ROBO2: variants seen among roughly 807,000 people sequenced by gnomAD.
The protein encoded by ROBO2 is roundabout homolog 2.
A neutral mutation model predicts 160.8 loss-of-function variants in ROBO2; 53 were observed. The observed-to-expected ratio is 0.33, with a 90% CI of 0.26 to 0.41. The LOEUF (loss-of-function observed/expected upper bound fraction) is 0.41. Ranked by LOEUF, ROBO2 falls within the 10% of genes least tolerant of loss-of-function variation. ROBO2 has a pLI of 1.00. For missense variants in ROBO2, 1,577 were observed against 1,722.4 expected (o/e 0.92, Z 1.49); for synonymous variants, 664 against 611.7 (o/e 1.09, Z -1.26).
intron 2 of ROBO2, among the ~76,000 whole-genome samples, chr3:76,638,616 T>A (rs189949504): frequency 6.6e-6 from 1 of 152,194 alleles, no homozygotes; most frequent in Non-Finnish European, 1.5e-5. Flanking sequence ...GGTTTCAATC[T>A]ATGTTTCCAG....
chr3:76,172,468 C>G (rs2073080702), intron 2 of ROBO2, among the ~76,000 whole-genome samples: 1 of 148,870 alleles, frequency 6.7e-6, no homozygotes, highest in South Asian at 2.1e-4. Context: ...AACTACTGCC[C>G]ATAAAAGGCA....
At chr3:76,564,962 T>C (rs527666089) in intron 2 of ROBO2, among the ~76,000 whole-genome samples, 4 of 152,310 alleles carry the variant, frequency 2.6e-5, no homozygotes, top group Non-Finnish European at 5.9e-5. Context: ...ATTTATCTGA[T>C]TGGGAGATTT....
In ROBO2 at chr3:77,154,123, GA is replaced by G. The variant is rs551098315; in HGVS notation, c.388+55792del. Among the ~76,000 whole-genome samples the G allele has an allele frequency of 2.8e-3, 415 of 148,970 alleles. 2 individuals carry two copies. Among genetic ancestry groups the G allele is most frequent in the African/African-American group, 9.6e-3 (392 of 40,744 alleles). ...AACAGAATTATAATGGGATCAAACT[GA>G]AAAAAAAACTTGTGAGAACATAATC... On this transcript the variant is annotated intron_variant, in intron 2 of 25. Transcript: ENST00000461745.
intron 2 of ROBO2, among the ~76,000 whole-genome samples, chr3:76,090,225 T>C (rs565324096): frequency 2.4e-4 from 37 of 152,064 alleles, no homozygotes; most frequent in African/African-American, 8.7e-4. Context: ...CTTTGGGAAA[T>C]TGAGGCGGGC....
At chr3:76,377,856 A>G (rs1559848004) in intron 2 of ROBO2, among the ~76,000 whole-genome samples, 1 of 152,132 alleles carries the variant, frequency 6.6e-6, no homozygotes, top group Non-Finnish European at 1.5e-5. Context: ...AAACTTGGTG[A>G]CATGTTTTCA....
chr3:76,762,737 T>A (rs2061375770), intron 2 of ROBO2, among the ~76,000 whole-genome samples: 1 of 151,684 alleles, frequency 6.6e-6, no homozygotes, highest in Admixed American at 6.6e-5. Flanking sequence ...TGCTTATTAT[T>A]TTAAAGAACA....
At chr3:76,805,284 A>C (rs1161884732) in intron 2 of ROBO2, among the ~76,000 whole-genome samples, 3 of 151,886 alleles carry the variant, frequency 2.0e-5, no homozygotes, top group African/African-American at 7.3e-5. Flanking sequence ...ATTTTTTCCA[A>C]GTGCAAGTTC....
At chr3:76,813,012 A>T (rs1352790566) in intron 2 of ROBO2, among the ~76,000 whole-genome samples, 1 of 150,306 alleles carries the variant, frequency 6.7e-6, no homozygotes, top group African/African-American at 2.5e-5. Context: ...AAATAAATAC[A>T]TCTTATTGTT....
chr3:76,009,936 G>A (rs1399308452), intron 2 of ROBO2, among the ~76,000 whole-genome samples: 2 of 151,920 alleles, frequency 1.3e-5, no homozygotes, highest in African/African-American at 4.8e-5. Context: ...TTTAGCTTTT[G>A]CTATTTTTTT....
At chr3:77,049,020 A>G (rs979295933) in intron 1 of ROBO2, among the ~76,000 whole-genome samples, 4 of 152,100 alleles carry the variant, frequency 2.6e-5, no homozygotes, top group Non-Finnish European at 4.4e-5. Context: ...TATATCTGAG[A>G]ATTTTTAAAG....
intron 2 of ROBO2, among the ~76,000 whole-genome samples, chr3:76,374,181 G>A (rs988285742): frequency 3.3e-5 from 5 of 151,896 alleles, no homozygotes; most frequent in African/African-American, 9.7e-5. Context: ...TTTCATGGAA[G>A]GAGCTATGAA....
intron 2 of ROBO2, among the ~76,000 whole-genome samples, chr3:76,258,198 T>G (rs1706525580): frequency 6.6e-6 from 1 of 152,098 alleles, no homozygotes; most frequent in East Asian, 1.9e-4. Flanking sequence ...ATGGTGTCTT[T>G]GTAAGATATA....
At chr3:77,476,880 T>A (rs2166801) in intron 2 of ROBO2, among the ~76,000 whole-genome samples, 1 of 151,904 alleles carries the variant, frequency 6.6e-6, no homozygotes, top group Non-Finnish European at 1.5e-5. Context: ...GCTAGTGTGC[T>A]GCAAGGGTGA....
intron 2 of ROBO2, among the ~76,000 whole-genome samples, chr3:76,214,188 A>G (rs950469697): frequency 1.3e-5 from 2 of 152,202 alleles, no homozygotes; most frequent in African/African-American, 4.8e-5. Flanking sequence ...CAATGTGATA[A>G]TTTCTCCAGC....
At chr3:76,368,325 A>C (rs759267871) in intron 2 of ROBO2, among the ~76,000 whole-genome samples, 1 of 152,018 alleles carries the variant, frequency 6.6e-6, no homozygotes, top group Non-Finnish European at 1.5e-5. Flanking sequence ...CCCAAAACTT[A>C]GCAGCTTAAA....
At chr3:76,723,507 TG>T (rs2093497736) in intron 2 of ROBO2, among the ~76,000 whole-genome samples, 2 of 152,180 alleles carry the variant, frequency 1.3e-5, no homozygotes, top group African/African-American at 4.8e-5. Flanking sequence ...GTTTCCTTAC[TG>T]TCTCCCCACC....
rs974960706 is a variant in ROBO2, at chr3:77,126,865, T to C, written c.388+28525T>C. On this transcript the variant is annotated intron_variant, in intron 2 of 25. Coordinates refer to ENST00000461745, the Ensembl canonical transcript of ROBO2. Reference sequence around the variant, plus strand: ...GTGCAGTGGTGCAATCTCGGCTCACTGCAACCTCCGCCTCCCGGGTTCACG... The same window carrying C: ...GTGCAGTGGTGCAATCTCGGCTCACCGCAACCTCCGCCTCCCGGGTTCACG... Among the ~76,000 whole-genome samples, 10 of 141,838 alleles carry C rather than the reference T, an allele frequency of 7.1e-5. No individual in the cohort carries two copies. The East Asian group carries it at 1.8e-3, about 26-fold the overall frequency. The allele number at this position is 141,838 out of a possible 152,430, so 93.1% of individuals were successfully genotyped here.
At chr3:77,404,005 C>A (rs1428766240) in intron 2 of ROBO2, among the ~76,000 whole-genome samples, 7 of 152,032 alleles carry the variant, frequency 4.6e-5, no homozygotes, top group Admixed American at 4.6e-4. Context: ...CTAGCACCAG[C>A]ATCCAGTTAA....
At chr3:76,601,746 TC>T (rs1362413522) in intron 2 of ROBO2, among the ~76,000 whole-genome samples, 2 of 152,168 alleles carry the variant, frequency 1.3e-5, no homozygotes, top group African/African-American at 4.8e-5. Flanking sequence ...GGAGCCATTT[TC>T]CCCCATAGTC....
Sources: allele counts gnomAD v4.1 joint callset (sites outside exome capture counted in the v4.1 genomes callset), GRCh38; gene constraint gnomAD v4.1.1; transcripts MANE v1.5; gene names NCBI Gene and HGNC (gene_info 2026-07-23, HGNC 2026-07-21).